Variants in AAAS observed in about 807,000 individuals in gnomAD.
The protein encoded by AAAS is aladin.
AAAS carries 60 observed loss-of-function variants against 75.6 expected under a neutral mutation model. The ratio of observed to expected loss-of-function variants is 0.79; its 90% CI spans 0.64 to 0.98. The LOEUF is 0.98. AAAS is among the 50% of genes least tolerant of loss of function. The pLI, the probability that AAAS is intolerant of heterozygous loss-of-function variation, is 0.00. For missense variants in AAAS, 658 were observed against 686.9 expected, an observed-to-expected ratio of 0.96 and a Z score of 0.47; for synonymous variants, 271 against 265.0, an observed-to-expected ratio of 1.02 and a Z score of -0.22.
chr12:53,314,245 G>A, intron 7 of AAAS, 53 bp downstream of exon 7: 1 of 1,611,932 alleles, frequency 6.2e-7, no homozygotes, highest in South Asian at 1.1e-5. Flanking sequence ...CACCCACCAT[G>A]CCTAGCATTG....
At chr12:53,309,934 A>C (rs948210020) in intron 7 of AAAS, 3 of 697,772 alleles carry the variant, frequency 4.3e-6, no homozygotes. Context: ...GTCAACAGAG[A>C]AGAGGTAATC....
chr12:53,309,307 G>A, intron 8 of AAAS, 26 bp from the exon 9 acceptor site: 1 of 1,612,708 alleles, frequency 6.2e-7, no homozygotes, highest in Non-Finnish European at 8.5e-7. Flanking sequence ...AGGAGATAAG[G>A]GAAAACTCAA....
intron 1 of AAAS, chr12:53,321,079 C>T (rs534688602): frequency 1.2e-5 from 7 of 588,882 alleles, no homozygotes; most frequent in Middle Eastern, 9.3e-4. Flanking sequence ...TTAGATAGTT[C>T]TCCCGCATCC....
chr12:53,320,040 A>G (rs1177101281), intron 2 of AAAS, among the ~76,000 whole-genome samples: 1 of 151,814 alleles, frequency 6.6e-6, no homozygotes, highest in African/African-American at 2.4e-5. Flanking sequence ...GAATCGCTTG[A>G]ACCTGGGAGG....
chr12:53,315,972 C>T (rs909135974), intron 2 of AAAS, among the ~76,000 whole-genome samples, 190 bp from the exon 3 acceptor site: 8 of 152,194 alleles, frequency 5.3e-5, no homozygotes, highest in Non-Finnish European at 1.0e-4. Flanking sequence ...AGATTCTACC[C>T]ATTTACGGAT....
At chr12:53,313,928 C>A (rs1443371487) in intron 7 of AAAS, among the ~76,000 whole-genome samples, 1 of 152,082 alleles carries the variant, frequency 6.6e-6, no homozygotes, top group Admixed American at 6.6e-5. Context: ...TTTAAAGAAC[C>A]AGTTTCTGGT....
intron 7 of AAAS, 24 bp from the exon 8 acceptor site, chr12:53,309,745 G>A (rs1460952491): frequency 5.0e-6 from 8 of 1,610,786 alleles, no homozygotes; most frequent in Non-Finnish European, 6.8e-6. Flanking sequence ...CAGAGGATGT[G>A]GAGTCAGAAG....
At chr12:53,319,304 A>G (rs185215724) in intron 2 of AAAS, among the ~76,000 whole-genome samples, 1 of 151,842 alleles carries the variant, frequency 6.6e-6, no homozygotes, top group Admixed American at 6.6e-5. Flanking sequence ...CCTCCTATAC[A>G]TAAGCCTCCC....
rs746421299 is a variant in AAAS, at chr12:53,309,693, A to T, written c.718T>A (p.Ser240Thr). The change falls in exon 8 of 16, where the codon TCT becomes ACT. Residue 240 changes from serine (S) to threonine (T), a missense_variant. Transcript: ENST00000209873. ...RPSSGCAQVL[S>T]HPGHTPVTSL... is the part of the protein sequence containing the mutation. ...GTAACAGGTGTATGCCCAGGGTGAG[A>T]CAGCACTTGGGCACAGCCAGAAGAG... 1.2e-6 allele frequency: 2 copies of T among 1,613,324 alleles called. No homozygotes were observed. The highest frequency in any genetic ancestry group is 1.7e-6 in the Non-Finnish European group (2 of 1,179,848).
At position 53,308,836 on chromosome 12, in the gene AAAS, G is replaced by A. The variant is rs368577869; in HGVS notation, c.997-21C>T. The A allele has an allele frequency of 9.7e-5, 156 of 1,613,676 alleles. 1 individual carries two copies. The highest frequency in any genetic ancestry group is 9.2e-5 in the Non-Finnish European group (108 of 1,179,938). On this transcript the variant is annotated intron_variant, in intron 10 of 15. Coordinates refer to ENST00000209873, the MANE Select transcript of AAAS (RefSeq NM_015665.6). ...CCAGTCTGGGGTCAGGGAGCAAAAG[G>A]CAGGAGAAGGTATGTCTATAGTAGA...
At chr12:53,316,916 C>CAA (rs973561011) in intron 2 of AAAS, among the ~76,000 whole-genome samples, 1 of 146,376 alleles carries the variant, frequency 6.8e-6, no homozygotes, top group African/African-American at 2.5e-5. Flanking sequence ...GCTGTCTCTA[C>CAA]AAAAAAAAAT....
chr12:53,309,913 A>G, intron 7 of AAAS, 192 bp from the exon 8 acceptor site: 2 of 825,122 alleles, frequency 2.4e-6, no homozygotes, highest in East Asian at 5.4e-5. Context: ...CGACCAAGTC[A>G]CCACGAGCAG....
chr12:53,315,786 A>C lies in AAAS; in HGVS notation c.252-4T>G, dbSNP rs1944453259. 6.2e-7 allele frequency: 1 copy of C among 1,613,672 alleles called. No individual in the cohort carries two copies. Among genetic ancestry groups the C allele is most frequent in the Middle Eastern group, 1.6e-4 (1 of 6,062 alleles). On this transcript the variant is annotated splice_polypyrimidine_tract_variant and splice_region_variant and intron_variant, in intron 2 of 15. Coordinates refer to ENST00000209873, the MANE Select transcript of AAAS (RefSeq NM_015665.6). ...CCCAAAAAGGCCCACATCACGCCTG[A>C]TAAGGGAGGAAAATGTGGGTCAGCT...
chr12:53,313,582 T>G (rs1417707990), intron 7 of AAAS, among the ~76,000 whole-genome samples: 1 of 151,554 alleles, frequency 6.6e-6, no homozygotes, highest in African/African-American at 2.4e-5. Flanking sequence ...ATTACAGGTG[T>G]GAGCCACTGT....
At chr12:53,313,320 C>A (rs1435959428) in intron 7 of AAAS, among the ~76,000 whole-genome samples, 1 of 151,872 alleles carries the variant, frequency 6.6e-6, no homozygotes, top group East Asian at 1.9e-4. Context: ...CGCACCACCA[C>A]GTCCAGCTAA....
chr12:53,309,559 T>C, intron 8 of AAAS, 42 bp downstream of exon 8: 1 of 1,613,030 alleles, frequency 6.2e-7, no homozygotes, highest in Non-Finnish European at 8.5e-7. Flanking sequence ...GGAACACTTT[T>C]GCCAGGACTG....
chr12:53,320,544 A>G, intron 2 of AAAS, 21 bp downstream of exon 2: 1 of 1,613,266 alleles, frequency 6.2e-7, no homozygotes, highest in Non-Finnish European at 8.5e-7. Context: ...GTGACCCAGG[A>G]AACCCTTTGC....
chr12:53,309,651 G>A lies in AAAS; in HGVS notation c.760C>T (p.Pro254Ser), dbSNP rs750259260. Reference protein sequence around the residue: ...HTPVTSLAWAPSGGRLLSASP... With the variant: ...HTPVTSLAWASSGGRLLSASP... ...GCTGAGAGCAGCCGCCCCCCACTGG[G>A]GGCCCAGGCCAAGCTGGTAACAGGT... Residue 254 changes from proline (P) to serine (S), a missense_variant, in exon 8 of 16, where the codon CCC becomes TCC. Coordinates refer to ENST00000209873, the MANE Select transcript of AAAS (RefSeq NM_015665.6). 1.3e-5 allele frequency: 21 copies of A among 1,613,560 alleles called. No homozygotes were observed. The highest frequency in any genetic ancestry group is 1.4e-5 in the Non-Finnish European group (17 of 1,179,896).
intron 2 of AAAS, among the ~76,000 whole-genome samples, chr12:53,316,688 G>C (rs1168907557): frequency 6.8e-6 from 1 of 146,996 alleles, no homozygotes. Context: ...CTGAACCCGG[G>C]AGGTGGCGAT....
Sources: gnomAD v4.1 joint callset for allele counts (sites outside exome capture counted in the v4.1 genomes callset) on GRCh38, gnomAD v4.1.1 for gene constraint, MANE v1.5 for transcripts, NCBI Gene and HGNC (gene_info 2026-07-23, HGNC 2026-07-21) for gene names.